CAAP1: variants seen among roughly 807,000 people sequenced by gnomAD.
CAAP1 encodes the protein conserved anti-apoptotic protein.
CAAP1 carries 20 observed loss-of-function variants against 34.0 expected under a neutral mutation model. That is an observed-to-expected ratio of 0.59 (90% CI 0.41 to 0.86). CAAP1 has a LOEUF of 0.86. Ranked by LOEUF, CAAP1 falls within the 40% of genes least tolerant of loss-of-function variation. The pLI, the probability that CAAP1 is intolerant of heterozygous loss-of-function variation, is 0.00. For synonymous variants in CAAP1, 213 were observed against 166.7 expected (o/e 1.28, Z -2.14); for missense variants, 538 against 450.5 (o/e 1.19, Z -1.76).
chr9:26,842,283 C>A lies in CAAP1; in HGVS notation c.*18G>T. On this transcript the variant is annotated 3_prime_UTR_variant, in exon 6 of 6. Coordinates refer to ENST00000333916, the MANE Select transcript of CAAP1 (RefSeq NM_024828.4). ...GCTTTGTTCAAACATACCTAAAATT[C>A]AAAATCAAGTTAAATACCTAGGCTG... The A allele has an allele frequency of 1.3e-6, 2 of 1,523,894 alleles. No individual in the cohort carries two copies. The highest frequency in any genetic ancestry group is 2.6e-5 in the South Asian group (2 of 76,416). The allele number at this position is 1,523,894 out of a possible 1,614,324, so 94.4% of individuals were successfully genotyped here. A position where few individuals can be genotyped will look rare whatever the true frequency, so the allele number is the denominator to read the frequency against.
chr9:26,887,405 A>T lies in CAAP1; in HGVS notation c.412T>A (p.Phe138Ile). The T allele has an allele frequency of 6.2e-7, 1 of 1,613,178 alleles. No homozygotes were observed. The highest frequency in any genetic ancestry group is 8.5e-7 in the Non-Finnish European group (1 of 1,179,420). Reference protein sequence around the residue: ...DLTVSLKPVSFYISDKKEMLQ... With the variant: ...DLTVSLKPVSIYISDKKEMLQ... ...ATTTCTTTTTTGTCTGATATATAGA[A>T]ACTAACTGGTTTCAATGACACAGTC... The change falls in exon 2 of 6, where the codon TTC (phenylalanine) becomes ATC (isoleucine). Residue 138 changes from phenylalanine to isoleucine, a missense_variant. Coordinates refer to ENST00000333916, the MANE Select transcript of CAAP1 (RefSeq NM_024828.4).
At chr9:26,871,883 C>T (rs1236431734) in intron 4 of CAAP1, among the ~76,000 whole-genome samples, 2 of 151,470 alleles carry the variant, frequency 1.3e-5, no homozygotes, top group Non-Finnish European at 2.9e-5. Flanking sequence ...CACTGCACTC[C>T]AGCCTGGGCG....
intron 4 of CAAP1, among the ~76,000 whole-genome samples, chr9:26,881,940 G>C (rs1823603141): frequency 6.6e-6 from 1 of 152,184 alleles, no homozygotes; most frequent in South Asian, 2.1e-4. Flanking sequence ...CTGGAGTAAA[G>C]GTGACTCTTG....
chr9:26,883,340 C>A (rs970045137), intron 4 of CAAP1, among the ~76,000 whole-genome samples: 2 of 152,152 alleles, frequency 1.3e-5, no homozygotes, highest in African/African-American at 4.8e-5. Flanking sequence ...TCACTTGGTT[C>A]CCTCATTCTC....
chr9:26,883,586 G>A (rs1425605597), intron 4 of CAAP1, among the ~76,000 whole-genome samples: 1 of 152,068 alleles, frequency 6.6e-6, no homozygotes, highest in Non-Finnish European at 1.5e-5. Context: ...AAGCCTAATG[G>A]CACCTCAAAA....
chr9:26,842,786 C>T (rs1011152433), intron 5 of CAAP1, 139 bp from the exon 6 acceptor site: 37 of 611,376 alleles, frequency 6.1e-5, no homozygotes, highest in Admixed American at 4.7e-4. Context: ...CCCCATGCCA[C>T]CCTCTTTTCC....
chr9:26,843,913 T>C (rs1251534155), intron 5 of CAAP1, among the ~76,000 whole-genome samples: 1 of 152,188 alleles, frequency 6.6e-6, no homozygotes, highest in Non-Finnish European at 1.5e-5. Context: ...AAAAATAAGA[T>C]TATCATTTTA....
At chr9:26,847,364 G>A (rs1438695116) in intron 5 of CAAP1, among the ~76,000 whole-genome samples, 8 of 151,272 alleles carry the variant, frequency 5.3e-5, no homozygotes, top group Non-Finnish European at 8.8e-5. Flanking sequence ...ACAGGCGCCC[G>A]CCACCACGCC....
intron 2 of CAAP1, among the ~76,000 whole-genome samples, 176 bp downstream of exon 2, chr9:26,887,137 G>C (rs575276408): frequency 1.5e-4 from 23 of 152,220 alleles, no homozygotes; most frequent in African/African-American, 5.5e-4. Context: ...GCTTGAACCC[G>C]GGAGGCGGAG....
chr9:26,891,435 T>C (rs888569990), intron 1 of CAAP1, among the ~76,000 whole-genome samples: 1 of 152,176 alleles, frequency 6.6e-6, no homozygotes, highest in African/African-American at 2.4e-5. Context: ...TAAAGTCTCA[T>C]TTGGAAAGCA....
At chr9:26,855,227 GA>G (rs1369240646) in intron 5 of CAAP1, among the ~76,000 whole-genome samples, 2 of 152,178 alleles carry the variant, frequency 1.3e-5, no homozygotes, top group African/African-American at 4.8e-5. Context: ...AAAACAATCT[GA>G]AAAGGCTACA....
At chr9:26,861,640 C>CA (rs569006517) in intron 4 of CAAP1, among the ~76,000 whole-genome samples, 64 of 152,054 alleles carry the variant, frequency 4.2e-4, no homozygotes, top group African/African-American at 1.4e-3. Context: ...TAAGATCATG[C>CA]AAAAAACTTT....
At position 26,842,202 on chromosome 9, in the gene CAAP1, T is replaced by A; in HGVS notation, c.*99A>T. On this transcript the variant is annotated 3_prime_UTR_variant, in exon 6 of 6. Coordinates refer to ENST00000333916, the MANE Select transcript of CAAP1 (RefSeq NM_024828.4). Reference sequence around the variant, plus strand: ...AAAATGAGTCCTAATAAGGGTTACATGAGAAATAACATATAAGACCCCAAA... The same window carrying A: ...AAAATGAGTCCTAATAAGGGTTACAAGAGAAATAACATATAAGACCCCAAA... 1.1e-6 allele frequency: 1 copy of A among 948,668 alleles called. No individual in the cohort carries two copies. The allele number at this position is 948,668 out of a possible 1,614,324, so 58.8% of individuals were successfully genotyped here.
chr9:26,871,283 T>C (rs1017063286), intron 4 of CAAP1, among the ~76,000 whole-genome samples: 2 of 152,102 alleles, frequency 1.3e-5, no homozygotes, highest in East Asian at 3.9e-4. Context: ...TTTCCCTTAT[T>C]AAAAATAAAA....
chr9:26,868,137 A>T (rs1823180859), intron 4 of CAAP1, among the ~76,000 whole-genome samples: 1 of 152,208 alleles, frequency 6.6e-6, no homozygotes, highest in South Asian at 2.1e-4. Flanking sequence ...CTTCCTTATT[A>T]TGCTAGGCTG....
At position 26,892,479 on chromosome 9, in the gene CAAP1, C is replaced by T. The variant is rs1453489002; in HGVS notation, c.237G>A (p.Val79=). 1 of 1,560,554 alleles carries T rather than the reference C, an allele frequency of 6.4e-7. No individual in the cohort carries two copies. The highest frequency in any genetic ancestry group is 8.7e-7 in the Non-Finnish European group (1 of 1,153,260). ...SGGSCWGGSS[V]ERSERRKRRS... is the part of the protein sequence containing the mutation. The stretch of plus-strand genomic sequence containing the variant: ...TCCGCTTCCGGCGCTCGCTGCGCTC[C>T]ACGCTGCTCCCGCCCCAACAGCTGC... Residue 79 remains valine, a synonymous_variant, in exon 1 of 6, where the codon GTG becomes GTA. Transcript: ENST00000333916.
At chr9:26,858,354 A>T (rs1358070289) in intron 5 of CAAP1, among the ~76,000 whole-genome samples, 2 of 152,222 alleles carry the variant, frequency 1.3e-5, no homozygotes, top group Non-Finnish European at 2.9e-5. Flanking sequence ...CTTGTTTGGT[A>T]ACTTCAAGCA....
chr9:26,863,693 G>C (rs1392858019), intron 4 of CAAP1, among the ~76,000 whole-genome samples: 1 of 151,344 alleles, frequency 6.6e-6, no homozygotes, highest in Non-Finnish European at 1.5e-5. Flanking sequence ...GAGGAATGGG[G>C]AGAGGGTGGG....
At chr9:26,848,619 T>C (rs1235069828) in intron 5 of CAAP1, among the ~76,000 whole-genome samples, 1 of 152,258 alleles carries the variant, frequency 6.6e-6, no homozygotes, top group Admixed American at 6.5e-5. Context: ...TTTACTTTTA[T>C]CTAATTTAGA....
Sources: gnomAD v4.1 joint callset for allele counts (sites outside exome capture counted in the v4.1 genomes callset) on GRCh38, gnomAD v4.1.1 for gene constraint, MANE v1.5 for transcripts, NCBI Gene and HGNC (gene_info 2026-07-23, HGNC 2026-07-21) for gene names.